CFAP58: variants seen among roughly 807,000 people sequenced by gnomAD.
The protein encoded by CFAP58 is cilia and flagella associated protein 58.
CFAP58 carries 88 observed loss-of-function variants against 119.5 expected under a neutral mutation model. The ratio of observed to expected loss-of-function variants is 0.74; its 90% CI spans 0.62 to 0.88. CFAP58 has a LOEUF of 0.88. Among genes scored for constraint, CFAP58 ranks in the 40% least tolerant of loss-of-function variants. The probability of loss-of-function intolerance (pLI) is 0.00; values close to 1 mark genes in which losing one functional copy is unlikely to be tolerated. For synonymous variants in CFAP58, 365 were observed against 366.3 expected (o/e 1.00, Z 0.04); for missense variants, 990 against 1,021.2 (o/e 0.97, Z 0.42).
chr10:104,454,093 A>T (rs999998622), intron 17 of CFAP58, among the ~76,000 whole-genome samples: 2 of 152,210 alleles, frequency 1.3e-5, no homozygotes, highest in East Asian at 1.9e-4. Flanking sequence ...GATTCTTCTG[A>T]CTGATCTTTG....
At chr10:104,357,815 G>GCACA (rs2014567443) in intron 1 of CFAP58, among the ~76,000 whole-genome samples, 2 of 146,184 alleles carry the variant, frequency 1.4e-5, no homozygotes, top group African/African-American at 5.1e-5. Flanking sequence ...ACATATATAT[G>GCACA]TACATATATA....
intron 15 of CFAP58, among the ~76,000 whole-genome samples, chr10:104,440,338 A>G (rs564094710): frequency 1.8e-5 from 2 of 114,284 alleles, no homozygotes; most frequent in East Asian, 5.1e-4. Flanking sequence ...TAGCCAATTA[A>G]GTTGAATTTT....
intron 12 of CFAP58, 91 bp from the exon 13 acceptor site, chr10:104,400,589 C>A: frequency 1.8e-6 from 2 of 1,085,980 alleles, no homozygotes; most frequent in Non-Finnish European, 2.8e-6. Flanking sequence ...TGTGGGCGTT[C>A]AATAGATACT....
At chr10:104,358,673 C>T (rs1398750092) in intron 2 of CFAP58, 51 bp downstream of exon 2, 3 of 1,548,812 alleles carry the variant, frequency 1.9e-6, no homozygotes, top group Non-Finnish European at 1.8e-6. Flanking sequence ...ACATCATTCT[C>T]TCATTATATT....
chr10:104,450,921 G>T (rs2013186160), intron 17 of CFAP58, among the ~76,000 whole-genome samples: 1 of 151,902 alleles, frequency 6.6e-6, no homozygotes, highest in South Asian at 2.1e-4. Flanking sequence ...TGCTGTGGAG[G>T]GTTGATGTGA....
chr10:104,401,160 G>A (rs995890539), intron 13 of CFAP58, among the ~76,000 whole-genome samples: 6 of 152,086 alleles, frequency 3.9e-5, no homozygotes, highest in Non-Finnish European at 8.8e-5. Flanking sequence ...TTAAAAAACC[G>A]CATTCTGCAT....
At chr10:104,353,771 G>GC, upstream of CFAP58, 2 of 1,158,998 alleles carry the variant, frequency 1.7e-6, no homozygotes, top group Non-Finnish European at 2.4e-6. Context: ...GACGCGCCGA[G>GC]CGCGGGTTTC....
chr10:104,378,009 A>G (rs899633637), intron 8 of CFAP58, among the ~76,000 whole-genome samples: 2 of 152,212 alleles, frequency 1.3e-5, no homozygotes, highest in African/African-American at 2.4e-5. Context: ...TAAACAACCA[A>G]TAGGTTTTCT....
intron 9 of CFAP58, among the ~76,000 whole-genome samples, chr10:104,381,282 G>A (rs2011797331): frequency 6.6e-6 from 1 of 152,224 alleles, no homozygotes; most frequent in African/African-American, 2.4e-5. Context: ...GAGGATATAT[G>A]TCTCCAAGAA....
rs1003327635 is a variant in CFAP58, at chr10:104,375,505, G to T, written c.1091-1306G>T. On this transcript the variant is annotated intron_variant, in intron 7 of 17. Coordinates refer to ENST00000369704, the MANE Select transcript of CFAP58 (RefSeq NM_001008723.2). ...AGGTTGAGACAGGCAGATCACCTGA[G>T]ATCAGGAGTTCGAGACCAGCCTGGC... Among the ~76,000 whole-genome samples the T allele has an allele frequency of 4.6e-5, 7 of 152,258 alleles. No homozygotes were observed. The South Asian group carries it at 1.2e-3, about 27-fold the overall frequency.
chr10:104,389,708 G>C (rs1214898562), intron 9 of CFAP58, among the ~76,000 whole-genome samples: 2 of 152,128 alleles, frequency 1.3e-5, no homozygotes, highest in East Asian at 1.9e-4. Flanking sequence ...TATCATGCGT[G>C]CTTTTACAGT....
At chr10:104,425,326 T>A (rs1265996585) in intron 15 of CFAP58, among the ~76,000 whole-genome samples, 1 of 151,596 alleles carries the variant, frequency 6.6e-6, no homozygotes, top group African/African-American at 2.4e-5. Flanking sequence ...ACAACTGGAG[T>A]GTGGGGATGT....
rs755878454 is a variant in CFAP58, at chr10:104,357,860, CATATATACACAT to C, written c.10-476_10-465del. Among the ~76,000 whole-genome samples, 744 of 118,922 alleles carry C rather than the reference CATATATACACAT, an allele frequency of 6.3e-3. 18 individuals are homozygous for C. The highest frequency in any genetic ancestry group is 9.0e-3 in the Non-Finnish European group (530 of 59,120). The allele number at this position is 118,922 out of a possible 152,430, so 78.0% of individuals were successfully genotyped here. On this transcript the variant is annotated intron_variant, in intron 1 of 17. Transcript: ENST00000369704. ...GTACACATATGTACACATATATACA[CATATATACACAT>C]ATATGTACACATATATAAACATATA... is the stretch of plus-strand genomic sequence containing the variant.
chr10:104,365,138 A>G (rs2014725160), intron 4 of CFAP58, among the ~76,000 whole-genome samples: 1 of 152,090 alleles, frequency 6.6e-6, no homozygotes, highest in African/African-American at 2.4e-5. Context: ...CCTACTTACA[A>G]TTCTGGCTCA....
intron 17 of CFAP58, among the ~76,000 whole-genome samples, chr10:104,451,856 A>G (rs2013199663): frequency 6.6e-6 from 1 of 151,808 alleles, no homozygotes; most frequent in African/African-American, 2.4e-5. Context: ...AGCCTCCCAA[A>G]TAGCTGGGAT....
intron 16 of CFAP58, among the ~76,000 whole-genome samples, chr10:104,449,368 C>G (rs2013159492): frequency 6.6e-6 from 1 of 152,148 alleles, no homozygotes; most frequent in African/African-American, 2.4e-5. Context: ...GAACAATACC[C>G]TTCCTTTTCT....
intron 15 of CFAP58, among the ~76,000 whole-genome samples, chr10:104,414,940 G>A (rs1056548336): frequency 4.6e-5 from 7 of 152,190 alleles, no homozygotes; most frequent in Non-Finnish European, 8.8e-5. Flanking sequence ...AAGACCAAGG[G>A]TTGTCTCTGA....
rs57900650 is a variant in CFAP58 at position 104,409,085 on chromosome 10, G to A, written c.2256+2292G>A. On this transcript the variant is annotated intron_variant, in intron 15 of 17. Coordinates refer to ENST00000369704, the MANE Select transcript of CFAP58 (RefSeq NM_001008723.2). The stretch of plus-strand genomic sequence containing the variant: ...ACTGCACTTCAGCCTAGGTGACAGT[G>A]TGAGACCCCGTCTCATAAAAAAAAA... Among the ~76,000 whole-genome samples, 648 of 132,126 alleles carry A rather than the reference G, an allele frequency of 4.9e-3. 5 individuals are homozygous for A. The highest frequency in any genetic ancestry group is 0.018 in the African/African-American group (618 of 34,438). The allele number at this position is 132,126 out of a possible 152,430, so 86.7% of individuals were successfully genotyped here.
Position 104,399,495 on chromosome 10 carries a change from G to T in CFAP58, c.1810G>T (p.Asp604Tyr). Residue 604 changes from aspartate (D) to tyrosine (Y), a missense_variant, in exon 12 of 18, where the codon GAC (aspartate) becomes TAC (tyrosine). Asp to Tyr is a radical substitution (Grantham distance 160). Transcript: ENST00000369704. Reference protein sequence around the residue: ...GERLRQKKELDQVISERDILG... With the variant: ...GERLRQKKELYQVISERDILG... ...GAGGTTGAGACAGAAGAAGGAATTAGACCAGGTAGAGCATCTCCTTGTCAG... is the reference window on the plus strand; with the variant it reads ...GAGGTTGAGACAGAAGAAGGAATTATACCAGGTAGAGCATCTCCTTGTCAG... 2 of 1,613,412 alleles carry T rather than the reference G, an allele frequency of 1.2e-6. No individual in the cohort carries two copies. The highest frequency in any genetic ancestry group is 2.2e-5 in the South Asian group (2 of 91,010).
Sources: allele counts gnomAD v4.1 joint callset (sites outside exome capture counted in the v4.1 genomes callset), GRCh38; gene constraint gnomAD v4.1.1; transcripts MANE v1.5; gene names NCBI Gene and HGNC (gene_info 2026-07-23, HGNC 2026-07-21).